The following CAPSL variants were observed in gnomAD, a reference collection of about 807,000 sequenced individuals.
CAPSL encodes the protein calcyphosin-like protein.
Under a neutral mutation model 21.3 loss-of-function variants are expected in CAPSL, and 17 were observed. The observed-to-expected ratio is 0.80, with a 90% CI of 0.55 to 1.20. The LOEUF is 1.20. CAPSL is among the 50% of genes most tolerant of loss of function. The probability of loss-of-function intolerance (pLI) is 0.00; values close to 1 mark genes in which losing one functional copy is unlikely to be tolerated. For synonymous variants in CAPSL, 102 were observed against 89.3 expected (o/e 1.14, Z -0.80); for missense variants, 289 against 259.3 (o/e 1.11, Z -0.79).
At chr5:35,929,592 A>G (rs1738770899) in intron 1 of CAPSL, among the ~76,000 whole-genome samples, 1 of 152,182 alleles carries the variant, frequency 6.6e-6, no homozygotes, top group South Asian at 2.1e-4. Flanking sequence ...CCCGGCCTTG[A>G]AAACAGTTCT....
At chr5:35,908,102 T>C (rs1010601) in intron 4 of CAPSL, among the ~76,000 whole-genome samples, 65,858 of 152,094 alleles carry the variant, frequency 0.43, 14,958 homozygotes, top group African/African-American at 0.54. Context: ...GGGTCATGTG[T>C]ATATTATATT....
chr5:35,920,849 C>G, intron 2 of CAPSL, 135 bp downstream of exon 2: 1 of 916,844 alleles, frequency 1.1e-6, no homozygotes, highest in South Asian at 1.7e-5. Context: ...CTCTTCTAAA[C>G]TCTACATTTT....
rs932074632 is a variant in CAPSL at position 35,904,613 on chromosome 5, C to G, written c.559G>C (p.Gly187Arg). The part of the protein sequence containing the change: ...TPEEFMNYYA[G>R]VSASIDTDVY... ...TCAGTGTCAATGGATGCGCTCACAC[C>G]TGCATAGTAGTTCATGAACTCCTCA... The change falls in exon 5 of 5, where the codon GGT becomes CGT. Residue 187 changes from glycine (G) to arginine (R), a missense_variant. Coordinates refer to ENST00000651391, the MANE Select transcript of CAPSL (RefSeq NM_001042625.2). 1.2e-6 allele frequency: 2 copies of G among 1,613,712 alleles called. No individual in the cohort carries two copies. The highest frequency in any genetic ancestry group is 2.2e-5 in the South Asian group (2 of 91,012).
intron 1 of CAPSL, among the ~76,000 whole-genome samples, chr5:35,933,296 T>C (rs1191990320): frequency 6.6e-6 from 1 of 152,192 alleles, no homozygotes; most frequent in Non-Finnish European, 1.5e-5. Context: ...TTGTCTGGTA[T>C]AAAATAAGTC....
chr5:35,927,304 T>C (rs539928279), intron 1 of CAPSL, among the ~76,000 whole-genome samples: 1 of 152,306 alleles, frequency 6.6e-6, no homozygotes, highest in East Asian at 1.9e-4. Flanking sequence ...ATTTTCCCCA[T>C]AGCCAGACCA....
intron 2 of CAPSL, among the ~76,000 whole-genome samples, chr5:35,916,586 C>T (rs1047737722): frequency 5.3e-5 from 8 of 152,156 alleles, no homozygotes; most frequent in Non-Finnish European, 1.2e-4. Context: ...TGATCTTTGA[C>T]AAACCTGACA....
At chr5:35,912,092 C>G (rs185935107) in intron 2 of CAPSL, among the ~76,000 whole-genome samples, 159 of 152,260 alleles carry the variant, frequency 1.0e-3, no homozygotes, top group Non-Finnish European at 7.9e-4. Flanking sequence ...GGATCCGACA[C>G]CCACCGGGCC....
At chr5:35,934,699 C>A (rs1304419142) in intron 1 of CAPSL, among the ~76,000 whole-genome samples, 1 of 152,230 alleles carries the variant, frequency 6.6e-6, no homozygotes, top group East Asian at 1.9e-4. Flanking sequence ...ACCACTCCTC[C>A]TTTTGCCCCT....
intron 4 of CAPSL, among the ~76,000 whole-genome samples, chr5:35,909,330 A>G (rs1227313451): frequency 6.6e-6 from 1 of 152,164 alleles, no homozygotes; most frequent in Non-Finnish European, 1.5e-5. Context: ...AAATTCTGTT[A>G]TTTGACATTC....
intron 1 of CAPSL, among the ~76,000 whole-genome samples, chr5:35,929,529 G>C (rs1349779234): frequency 6.6e-6 from 1 of 152,102 alleles, no homozygotes; most frequent in Non-Finnish European, 1.5e-5. Context: ...CTGACCTCAT[G>C]ATCCACCCAC....
At chr5:35,918,200 A>T (rs370776236) in intron 2 of CAPSL, among the ~76,000 whole-genome samples, 2 of 152,224 alleles carry the variant, frequency 1.3e-5, no homozygotes, top group African/African-American at 4.8e-5. Context: ...AAAACTTGGA[A>T]CCAACTCAAA....
chr5:35,920,030 C>T (rs1738494919), intron 2 of CAPSL, among the ~76,000 whole-genome samples: 1 of 152,140 alleles, frequency 6.6e-6, no homozygotes, highest in African/African-American at 2.4e-5. Context: ...TGCTGGTCTT[C>T]CCATTGGACT....
chr5:35,927,373 C>T (rs553052103), intron 1 of CAPSL, among the ~76,000 whole-genome samples: 1 of 152,284 alleles, frequency 6.6e-6, no homozygotes, highest in East Asian at 1.9e-4. Flanking sequence ...TGTGCCATTA[C>T]ATTAGCTATT....
chr5:35,910,808 G>T (rs768581678), intron 2 of CAPSL, among the ~76,000 whole-genome samples: 1 of 152,192 alleles, frequency 6.6e-6, no homozygotes, highest in African/African-American at 2.4e-5. Flanking sequence ...GTAAAGGAAA[G>T]AGTTGAATTG....
chr5:35,927,274 C>G (rs1031776101), intron 1 of CAPSL, among the ~76,000 whole-genome samples: 1 of 152,168 alleles, frequency 6.6e-6, no homozygotes, highest in Non-Finnish European at 1.5e-5. Flanking sequence ...TCTGTCCCAC[C>G]TCTTGATGCT....
intron 4 of CAPSL, among the ~76,000 whole-genome samples, chr5:35,908,762 G>A (rs1324492595): frequency 6.6e-6 from 1 of 152,152 alleles, no homozygotes; most frequent in Admixed American, 6.5e-5. Flanking sequence ...GAAATAGAGG[G>A]TATGTCTCCA....
intron 2 of CAPSL, 76 bp from the exon 3 acceptor site, chr5:35,910,619 C>A: frequency 1.8e-6 from 2 of 1,133,378 alleles, no homozygotes; most frequent in Non-Finnish European, 2.5e-6. Flanking sequence ...AAAAAAAATC[C>A]ACACTCAAGG....
chr5:35,923,401 C>G (rs962239423), intron 1 of CAPSL, among the ~76,000 whole-genome samples: 1 of 152,138 alleles, frequency 6.6e-6, no homozygotes, highest in Admixed American at 6.5e-5. Flanking sequence ...CCACAAAAAC[C>G]CCTTGAGTTG....
intron 1 of CAPSL, among the ~76,000 whole-genome samples, chr5:35,935,291 A>T (rs538512685): frequency 1.8e-4 from 28 of 151,478 alleles, no homozygotes; most frequent in Non-Finnish European, 3.5e-4. Context: ...TTGTCTCGGC[A>T]TTCCCTCCCA....
Sources: allele counts gnomAD v4.1 joint callset (sites outside exome capture counted in the v4.1 genomes callset), GRCh38; gene constraint gnomAD v4.1.1; transcripts MANE v1.5; gene names NCBI Gene and HGNC (gene_info 2026-07-23, HGNC 2026-07-21).